The following CYTIP variants were observed in gnomAD, a reference collection of about 807,000 sequenced individuals.
CYTIP encodes cytohesin-interacting protein.
CYTIP carries 26 observed loss-of-function variants against 43.8 expected under a neutral mutation model. The observed-to-expected ratio is 0.59, with a 90% CI of 0.44 to 0.82. The LOEUF is 0.82. CYTIP is among the 40% of genes least tolerant of loss of function. CYTIP has a pLI of 0.00. For missense variants in CYTIP, 426 were observed against 443.1 expected (o/e 0.96, Z 0.35); for synonymous variants, 162 against 162.9 (o/e 0.99, Z 0.04).
At chr2:157,433,797 A>G (rs16841762) in intron 3 of CYTIP, among the ~76,000 whole-genome samples, 1 of 152,170 alleles carries the variant, frequency 6.6e-6, no homozygotes, top group Admixed American at 6.5e-5. Context: ...GTAGAGCCAA[A>G]TGTTCTCAAG....
At chr2:157,421,803 C>T (rs1457251644) in intron 6 of CYTIP, among the ~76,000 whole-genome samples, 1 of 152,138 alleles carries the variant, frequency 6.6e-6, no homozygotes, top group Non-Finnish European at 1.5e-5. Flanking sequence ...GGCTATGGGT[C>T]AGACCAAGAC....
rs973002712 is a variant in CYTIP at position 157,434,710 on chromosome 2, G to A, written c.212C>T (p.Ser71Phe). 8 of 1,610,366 alleles carry A rather than the reference G, an allele frequency of 5.0e-6. No individual in the cohort carries two copies. The highest frequency in any genetic ancestry group is 2.7e-5 in the African/African-American group (2 of 74,642). Residue 71 changes from serine to phenylalanine, a missense_variant, in exon 2 of 8, where the codon TCC (serine) becomes TTC (phenylalanine). Ser to Phe is a radical substitution (Grantham distance 155). Transcript: ENST00000264192. ...LTRSSSLSDF[S>F]WSQRKLVTVE... ...TCAATCTCTTTACCTTTGAGACCAG[G>A]AAAAGTCACTTAAAGAACTTGATCT...
At chr2:157,421,233 G>A (rs561616998) in intron 6 of CYTIP, among the ~76,000 whole-genome samples, 1 of 152,308 alleles carries the variant, frequency 6.6e-6, no homozygotes, top group South Asian at 2.1e-4. Flanking sequence ...TAACCCCACT[G>A]GGCAGCATCA....
chr2:157,430,759 A>G, intron 4 of CYTIP, 101 bp downstream of exon 4: 1 of 1,458,150 alleles, frequency 6.9e-7, no homozygotes, highest in Non-Finnish European at 9.5e-7. Context: ...AAAGGAGCCA[A>G]GAAAACTCAA....
intron 3 of CYTIP, among the ~76,000 whole-genome samples, chr2:157,432,602 CA>C (rs968016256): frequency 1.3e-5 from 2 of 152,090 alleles, no homozygotes; most frequent in African/African-American, 4.8e-5. Flanking sequence ...TGCATGAGTC[CA>C]AAGTCTGCAT....
At chr2:157,423,281 C>T (rs2105135245) in intron 6 of CYTIP, among the ~76,000 whole-genome samples, 1 of 150,572 alleles carries the variant, frequency 6.6e-6, no homozygotes, top group Non-Finnish European at 1.5e-5. Context: ...ATAGAAAATC[C>T]CGTAGAGAAA....
intron 7 of CYTIP, 62 bp downstream of exon 7, chr2:157,418,461 T>C: frequency 6.6e-7 from 1 of 1,510,290 alleles, no homozygotes; most frequent in South Asian, 1.2e-5. Flanking sequence ...AAACCAACTT[T>C]GAGGCAGAAA....
chr2:157,426,247 T>A (rs1254868035), intron 6 of CYTIP, among the ~76,000 whole-genome samples: 1 of 152,182 alleles, frequency 6.6e-6, no homozygotes, highest in Non-Finnish European at 1.5e-5. Context: ...AATAAAAAGA[T>A]TGAGATCCTG....
intron 1 of CYTIP, among the ~76,000 whole-genome samples, chr2:157,436,168 C>T (rs1685804763): frequency 6.6e-6 from 1 of 152,174 alleles, no homozygotes; most frequent in Admixed American, 6.5e-5. Flanking sequence ...CAAAAAGATT[C>T]TCTAGTCTTG....
chr2:157,434,345 T>A, intron 3 of CYTIP, 25 bp downstream of exon 3: 1 of 1,594,330 alleles, frequency 6.3e-7, no homozygotes, highest in South Asian at 1.1e-5. Context: ...TCCTTGGAAG[T>A]CTAGAAAATG....
intron 5 of CYTIP, among the ~76,000 whole-genome samples, chr2:157,427,857 C>T (rs985779640): frequency 1.1e-4 from 17 of 152,092 alleles, no homozygotes; most frequent in African/African-American, 4.1e-4. Context: ...AAATAATAGG[C>T]TCTAGGGGCT....
intron 6 of CYTIP, among the ~76,000 whole-genome samples, chr2:157,424,439 A>G (rs1304784013): frequency 6.6e-6 from 1 of 152,200 alleles, no homozygotes; most frequent in African/African-American, 2.4e-5. Flanking sequence ...GAAAGACTTT[A>G]AAGAAAACAA....
Position 157,434,755 on chromosome 2 carries a change from A to G in CYTIP, c.175-8T>C, listed in dbSNP as rs1189386169. 1 of 1,609,522 alleles carries G rather than the reference A, an allele frequency of 6.2e-7. No homozygotes were observed. Among genetic ancestry groups the G allele is most frequent in the East Asian group, 2.2e-5 (1 of 44,828 alleles). ...TGATCTGGTCAAAGCAAGCTGAAAA[A>G]CACAAAAGACATATAGTTATCCCAG... is the stretch of plus-strand genomic sequence containing the variant. On this transcript the variant is annotated splice_polypyrimidine_tract_variant and splice_region_variant and intron_variant, in intron 1 of 7. Coordinates refer to ENST00000264192, the MANE Select transcript of CYTIP (RefSeq NM_004288.5).
intron 6 of CYTIP, among the ~76,000 whole-genome samples, chr2:157,424,569 T>C (rs903935048): frequency 6.6e-6 from 1 of 152,144 alleles, no homozygotes; most frequent in Non-Finnish European, 1.5e-5. Flanking sequence ...CTCAAGCCTG[T>C]AATCCCAGGA....
chr2:157,420,953 T>C (rs1685512939), intron 6 of CYTIP, among the ~76,000 whole-genome samples: 2 of 152,242 alleles, frequency 1.3e-5, no homozygotes, highest in South Asian at 4.1e-4. Flanking sequence ...ACTGGCTGAC[T>C]TTATATATAC....
rs374378567 is a variant in CYTIP, at chr2:157,415,921, C to T, written c.836G>A (p.Ser279Asn). Residue 279 changes from serine to asparagine, a missense_variant, in exon 8 of 8, where the codon AGT (serine) becomes AAT (asparagine). Physicochemically the swap from Ser to Asn is conservative, Grantham distance 46. Transcript: ENST00000264192. ...SSRGAFSRQT[S>N]TDDECFIPKE... ...GGGGATAAAGCACTCATCATCTGTA[C>T]TCGTCTGCCGACTGAAGGCACCCCT... The T allele has an allele frequency of 3.7e-6, 6 of 1,614,238 alleles. No individual in the cohort carries two copies. The Middle Eastern group carries it at 4.9e-4, about 133-fold the overall frequency.
chr2:157,443,782 C>A, intron 1 of CYTIP, 65 bp downstream of exon 1: 1 of 1,511,258 alleles, frequency 6.6e-7, no homozygotes. Context: ...TGAAGTCAGA[C>A]AAACATATCA....
chr2:157,438,136 A>G (rs1028148440), intron 1 of CYTIP, among the ~76,000 whole-genome samples: 2 of 152,256 alleles, frequency 1.3e-5, no homozygotes, highest in South Asian at 4.1e-4. Flanking sequence ...GTGTCCAACA[A>G]CAGATGAATG....
At chr2:157,434,485 G>C (rs1265983632) in intron 2 of CYTIP, 61 bp from the exon 3 acceptor site, 2 of 1,272,114 alleles carry the variant, frequency 1.6e-6, no homozygotes, top group African/African-American at 3.0e-5. Context: ...ATTTGGCACA[G>C]ATCTATCATT....
Sources: allele counts gnomAD v4.1 joint callset (sites outside exome capture counted in the v4.1 genomes callset), GRCh38; gene constraint gnomAD v4.1.1; transcripts MANE v1.5; gene names NCBI Gene and HGNC (gene_info 2026-07-23, HGNC 2026-07-21).